The following LPAR1 variants were observed in gnomAD, a reference collection of about 807,000 sequenced individuals.
LPAR1 encodes the protein LPA receptor 1.
LPAR1 carries 5 observed loss-of-function variants against 23.8 expected under a neutral mutation model. That is an observed-to-expected ratio of 0.21 (90% confidence interval 0.11 to 0.44). The LOEUF is 0.44. LPAR1 is among the 20% of genes least tolerant of loss of function. The pLI, the probability that LPAR1 is intolerant of heterozygous loss-of-function variation, is 0.99. For synonymous variants in LPAR1, 160 were observed against 164.7 expected (o/e 0.97, Z 0.22); for missense variants, 311 against 482.8 (o/e 0.64, Z 3.33).
Position 110,980,058 on chromosome 9 carries a change from T to G in LPAR1, c.-181-6500A>C, listed in dbSNP as rs73657218. On this transcript the variant is annotated intron_variant, in intron 2 of 5. Coordinates refer to ENST00000683809, the MANE Select transcript of LPAR1 (RefSeq NM_001351411.2). ...CATAGAATTCTACATGGCTCAGGTA[T>G]GAACAGCATTAACAAGGTCATCATC... Among the ~76,000 whole-genome samples, 1,022 of 152,224 alleles carry G rather than the reference T, an allele frequency of 6.7e-3. 17 individuals are homozygous for G. The highest frequency in any genetic ancestry group is 0.023 in the African/African-American group (954 of 41,534).
At chr9:110,971,026 T>C in intron 4 of LPAR1, among the ~76,000 whole-genome samples, 1 of 152,006 alleles carries the variant, frequency 6.6e-6, no homozygotes, top group South Asian at 2.1e-4. Flanking sequence ...TCTCAGCTAC[T>C]CAGGAAGCTG....
chr9:110,979,072 C>G (rs2096616540), intron 2 of LPAR1, among the ~76,000 whole-genome samples: 1 of 151,932 alleles, frequency 6.6e-6, no homozygotes, highest in Non-Finnish European at 1.5e-5. Context: ...TGGAAAATGC[C>G]AAGGGAGTGG....
chr9:111,021,963 C>CAAAAAAA (rs3030187), intron 2 of LPAR1, among the ~76,000 whole-genome samples: 2 of 69,844 alleles, frequency 2.9e-5, no homozygotes, highest in Non-Finnish European at 5.1e-5. Flanking sequence ...GACTCCGTCA[C>CAAAAAAA]AAAAAAAAAA....
chr9:111,026,712 GTTTA>G (rs1401678958), intron 2 of LPAR1, among the ~76,000 whole-genome samples: 1 of 152,134 alleles, frequency 6.6e-6, no homozygotes, highest in African/African-American at 2.4e-5. Flanking sequence ...TCAATACCTA[GTTTA>G]TTGAGTGTTT....
chr9:110,961,144 T>TA (rs2095960927), intron 4 of LPAR1, among the ~76,000 whole-genome samples: 2 of 151,964 alleles, frequency 1.3e-5, no homozygotes, highest in African/African-American at 4.8e-5. Context: ...GCAATAAACT[T>TA]ATACAATTTT....
intron 4 of LPAR1, among the ~76,000 whole-genome samples, chr9:110,951,561 GAATT>G (rs1163298770): frequency 3.3e-5 from 5 of 152,164 alleles, no homozygotes; most frequent in African/African-American, 1.2e-4. Context: ...GGGAATCAGA[GAATT>G]AATTACAAAC....
chr9:110,994,487 A>G (rs1208948780), intron 2 of LPAR1, among the ~76,000 whole-genome samples: 3 of 152,188 alleles, frequency 2.0e-5, no homozygotes, highest in African/African-American at 7.2e-5. Flanking sequence ...CTTTGTGACT[A>G]TGTTGAAGAA....
intron 5 of LPAR1, chr9:110,903,566 C>T (rs972499688): frequency 6.6e-6 from 1 of 152,010 alleles, no homozygotes; most frequent in Non-Finnish European, 1.5e-5. Flanking sequence ...AACCTGAGAA[C>T]AGATCAACAG....
intron 5 of LPAR1, among the ~76,000 whole-genome samples, chr9:110,890,369 A>T (rs1055324580): frequency 6.6e-6 from 1 of 152,228 alleles, no homozygotes; most frequent in Non-Finnish European, 1.5e-5. Context: ...ACCACTAAGG[A>T]ACATATTACT....
rs2078753771 is a variant in LPAR1, at chr9:110,874,814, A to T, written c.*607T>A. 1 of 152,646 alleles carries T rather than the reference A, an allele frequency of 6.6e-6. No individual in the cohort carries two copies. Among genetic ancestry groups the T allele is most frequent in the Non-Finnish European group, 1.5e-5 (1 of 68,040 alleles). The allele number at this position is 152,646 out of a possible 1,614,324, so 9.5% of individuals were successfully genotyped here. A position where few individuals can be genotyped will look rare whatever the true frequency, so the allele number is the denominator to read the frequency against. On this transcript the variant is annotated 3_prime_UTR_variant, in exon 6 of 6. Transcript: ENST00000683809. ...CTAGGTTCTATTTCCTAGAAGATTTAACATTAGTATCCTTTTAATCTTTTT... is the reference window on the plus strand; with the variant it reads ...CTAGGTTCTATTTCCTAGAAGATTTTACATTAGTATCCTTTTAATCTTTTT...
intron 5 of LPAR1, among the ~76,000 whole-genome samples, chr9:110,907,004 T>C (rs2091424970): frequency 6.6e-6 from 1 of 152,140 alleles, no homozygotes; most frequent in Non-Finnish European, 1.5e-5. Flanking sequence ...CAAAACAAAT[T>C]CTATGAATGT....
chr9:110,946,061 GA>G (rs2095366168), intron 4 of LPAR1, among the ~76,000 whole-genome samples: 1 of 152,066 alleles, frequency 6.6e-6, no homozygotes, highest in South Asian at 2.1e-4. Context: ...AGAACAAACT[GA>G]AAAACAATTT....
chr9:110,913,559 T>TAC (rs2092717475), intron 5 of LPAR1, among the ~76,000 whole-genome samples: 1 of 78,590 alleles, frequency 1.3e-5, no homozygotes, highest in Non-Finnish European at 3.3e-5. Context: ...AATAAGTATA[T>TAC]ATATATATAT....
chr9:110,956,726 C>G (rs1314556459), intron 4 of LPAR1, among the ~76,000 whole-genome samples: 1 of 151,978 alleles, frequency 6.6e-6, no homozygotes, highest in Non-Finnish European at 1.5e-5. Flanking sequence ...TACAACCTAC[C>G]AAGATTGAAT....
intron 5 of LPAR1, among the ~76,000 whole-genome samples, chr9:110,926,452 G>C (rs1358967457): frequency 6.6e-6 from 1 of 152,136 alleles, no homozygotes; most frequent in Admixed American, 6.5e-5. Context: ...TTTCTCCTCA[G>C]GATAATATAA....
chr9:111,021,078 AT>A (rs776776889), intron 2 of LPAR1, among the ~76,000 whole-genome samples: 10 of 152,370 alleles, frequency 6.6e-5, no homozygotes, highest in Non-Finnish European at 1.2e-4. Flanking sequence ...TTACAAAAAA[AT>A]AATGTTGAAA....
At chr9:110,894,958 C>T (rs1230025661) in intron 5 of LPAR1, among the ~76,000 whole-genome samples, 3 of 152,056 alleles carry the variant, frequency 2.0e-5, no homozygotes, top group East Asian at 1.9e-4. Flanking sequence ...GTAAAGGCTG[C>T]AGTGAGTTAT....
At chr9:110,891,781 A>T (rs1010758333) in intron 5 of LPAR1, among the ~76,000 whole-genome samples, 3 of 152,228 alleles carry the variant, frequency 2.0e-5, no homozygotes, top group African/African-American at 4.8e-5. Context: ...CATTAAGCAC[A>T]TGAAAAGGCG....
At chr9:110,903,378 C>T (rs2089995031) in intron 5 of LPAR1, 1 of 152,030 alleles carries the variant, frequency 6.6e-6, no homozygotes, top group African/African-American at 2.4e-5. Context: ...ATTGGAACAG[C>T]ATAGATAAGA....
Sources: gnomAD v4.1 joint callset for allele counts (sites outside exome capture counted in the v4.1 genomes callset) on GRCh38, gnomAD v4.1.1 for gene constraint, MANE v1.5 for transcripts, NCBI Gene and HGNC (gene_info 2026-07-23, HGNC 2026-07-21) for gene names.